ZFR2: variants seen among roughly 807,000 people sequenced by gnomAD.
The protein encoded by ZFR2 is zinc finger RNA-binding protein 2.
A neutral mutation model predicts 105.7 loss-of-function variants in ZFR2; 104 were observed. The observed-to-expected ratio is 0.98, with a 90% CI of 0.84 to 1.16. The LOEUF (loss-of-function observed/expected upper bound fraction) is 1.16, where lower values mean the gene tolerates loss of function less well. ZFR2 is among the 50% of genes most tolerant of loss of function. ZFR2 has a pLI of 0.00. For synonymous variants in ZFR2, 634 were observed against 597.7 expected (o/e 1.06, Z -0.89); for missense variants, 1,425 against 1,355.5 (o/e 1.05, Z -0.80).
intron 9 of ZFR2, among the ~76,000 whole-genome samples, 172 bp downstream of exon 9, chr19:3,821,909 G>A (rs539157320): frequency 2.6e-5 from 4 of 152,152 alleles, no homozygotes; most frequent in Admixed American, 2.0e-4. Context: ...GCGCCCGGCC[G>A]AAGATACACT....
At chr19:3,810,406 C>T (rs1485449759) in intron 16 of ZFR2, among the ~76,000 whole-genome samples, 1 of 152,246 alleles carries the variant, frequency 6.6e-6, no homozygotes, top group African/African-American at 2.4e-5. Context: ...CTGGGTCACC[C>T]AGAGGCCGGT....
rs2038050293 is a variant in ZFR2 at position 3,834,080 on chromosome 19, C to T, written c.265-302G>A. 6.6e-6 allele frequency among the ~76,000 whole-genome samples: 1 copy of T among 152,098 alleles called. No individual in the cohort carries two copies. Among genetic ancestry groups the T allele is most frequent in the Non-Finnish European group, 1.5e-5 (1 of 68,024 alleles). On this transcript the variant is annotated intron_variant, in intron 2 of 18. Transcript: ENST00000262961. The surrounding 1 kb of genome is among the most constrained non-coding windows in gnomAD (Gnocchi z 5.3). Reference sequence around the variant, plus strand: ...GAGAGGGCGGGTTTGCAGGGAGAAGCCCCCGAGGCCTTGGCAAGGAAATGG... The same window carrying T: ...GAGAGGGCGGGTTTGCAGGGAGAAGTCCCCGAGGCCTTGGCAAGGAAATGG...
At chr19:3,854,534 CAA>C (rs2038276503) in intron 1 of ZFR2, among the ~76,000 whole-genome samples, 2 of 152,114 alleles carry the variant, frequency 1.3e-5, no homozygotes, top group Admixed American at 1.3e-4. Flanking sequence ...GGACCAAAAC[CAA>C]AAGTCGATTA....
In ZFR2 at chr19:3,839,149, G is replaced by A. The variant is rs544576651; in HGVS notation, c.54-4166C>T. Among the ~76,000 whole-genome samples the A allele has an allele frequency of 1.2e-4, 18 of 152,218 alleles. No individual in the cohort carries two copies. The East Asian group carries it at 1.7e-3, about 15-fold the overall frequency. ...GCAGAAGGGCCCTATCCATAAAGAA[G>A]AAACATTCAGATTCCACAGATCGGC... On this transcript the variant is annotated intron_variant, in intron 1 of 18. Transcript: ENST00000262961.
intron 1 of ZFR2, among the ~76,000 whole-genome samples, chr19:3,855,100 C>G (rs376244435): frequency 6.6e-6 from 1 of 151,434 alleles, no homozygotes; most frequent in Non-Finnish European, 1.5e-5. Context: ...CTCACTATGT[C>G]GCCCAGGCTG....
intron 14 of ZFR2, among the ~76,000 whole-genome samples, chr19:3,812,722 G>A (rs1338350250): frequency 3.3e-5 from 5 of 151,956 alleles, no homozygotes; most frequent in Non-Finnish European, 5.9e-5. Context: ...AGGACTGATC[G>A]TGACTTTCCA....
rs150335153 is a variant in ZFR2, at chr19:3,853,761, A to G, written c.53+15204T>C. On this transcript the variant is annotated intron_variant, in intron 1 of 18. Transcript: ENST00000262961. ...CTGGAATTTGAGGTAACAGTCACAC[A>G]ATTCTGTTAATATACTAAAAACCAG... Among the ~76,000 whole-genome samples the G allele has an allele frequency of 1.1e-3, 166 of 152,264 alleles. 3 individuals are homozygous for G. The East Asian group carries it at 0.021, about 19-fold the overall frequency.
rs1458002626 is a variant in ZFR2, at chr19:3,831,397, G to A, written c.758C>T (p.Pro253Leu). ...GGGTCTCGGCAGCTTGCTGGGAAGC[G>A]GTGGCTTCGAGTCGGCCCTGGGGCT... ...GSSPRADSKP[P>L]LPSKLPRPKA... is the part of the protein sequence containing the mutation. Residue 253 changes from proline (P) to leucine (L), a missense_variant, in exon 5 of 19, where the codon CCG becomes CTG. Pro to Leu is a moderately conservative substitution (Grantham distance 98). Transcript: ENST00000262961. 7.7e-6 allele frequency: 12 copies of A among 1,556,266 alleles called. No homozygotes were observed. The highest frequency in any genetic ancestry group is 7.2e-5 in the East Asian group (3 of 41,504).
chr19:3,866,436 AGC>A (rs2038428390), intron 1 of ZFR2, among the ~76,000 whole-genome samples: 1 of 145,858 alleles, frequency 6.9e-6, no homozygotes, highest in Non-Finnish European at 1.5e-5. Context: ...CACAGAAGGT[AGC>A]TGTGCTAAAA....
rs183779008 is a variant in ZFR2, at chr19:3,857,426, C to G, written c.53+11539G>C. Among the ~76,000 whole-genome samples the G allele has an allele frequency of 6.9e-4, 104 of 151,506 alleles. No homozygotes were observed. The East Asian group carries it at 0.013, about 19-fold the overall frequency. On this transcript the variant is annotated intron_variant, in intron 1 of 18. Transcript: ENST00000262961. Reference sequence around the variant, plus strand: ...CAGGTATAAAAAGTCACAAACTGGCCGGGTGTGGTGGCTCACACCTGTGAT... The same window carrying G: ...CAGGTATAAAAAGTCACAAACTGGCGGGGTGTGGTGGCTCACACCTGTGAT...
At chr19:3,822,226 C>T (rs1042412984) in intron 8 of ZFR2, 26 bp from the exon 9 acceptor site, 5 of 1,559,950 alleles carry the variant, frequency 3.2e-6, no homozygotes, top group Non-Finnish European at 4.3e-6. Flanking sequence ...GCCGCACGCG[C>T]ACCAGGCACG....
At chr19:3,810,044 A>G (rs879410158) in intron 16 of ZFR2, among the ~76,000 whole-genome samples, 1 of 152,218 alleles carries the variant, frequency 6.6e-6, no homozygotes, top group Non-Finnish European at 1.5e-5. Context: ...TGCATTCTGG[A>G]CACTGGGCAG....
At chr19:3,824,327 A>T (rs2145150909) in intron 7 of ZFR2, among the ~76,000 whole-genome samples, 1 of 152,266 alleles carries the variant, frequency 6.6e-6, no homozygotes, top group African/African-American at 2.4e-5. Context: ...AACCACGAAA[A>T]AAGAGTTGTC....
Position 3,834,668 on chromosome 19 carries a change from T to G in ZFR2, c.264+105A>C. ...AAGGGTCCCGAAGGAAGGATCACGG[T>G]TAAGAGGCCTGGGAGAAGGAGTAGC... On this transcript the variant is annotated intron_variant, in intron 2 of 18. Transcript: ENST00000262961. This position sits in a 1 kb window ranked among gnomAD's most constrained non-coding sequence, Gnocchi z 5.3. 8.1e-7 allele frequency: 1 copy of G among 1,232,232 alleles called. No individual in the cohort carries two copies. The highest frequency in any genetic ancestry group is 1.2e-6 in the Non-Finnish European group (1 of 868,488). 76.3% of individuals were successfully genotyped at this position (1,232,232 alleles called of 1,614,324 possible).
At chr19:3,822,777 C>T (rs1390618308) in intron 8 of ZFR2, among the ~76,000 whole-genome samples, 1 of 152,176 alleles carries the variant, frequency 6.6e-6, no homozygotes, top group African/African-American at 2.4e-5. Context: ...CTTTGGCACG[C>T]ACAAGGCCAA....
intron 13 of ZFR2, among the ~76,000 whole-genome samples, chr19:3,815,334 C>A (rs2037813959): frequency 6.6e-6 from 1 of 152,222 alleles, no homozygotes; most frequent in African/African-American, 2.4e-5. Flanking sequence ...AGGTGATCCA[C>A]CTGCCTTGGC....
intron 16 of ZFR2, among the ~76,000 whole-genome samples, chr19:3,809,558 T>C (rs2037738880): frequency 6.6e-6 from 1 of 152,148 alleles, no homozygotes. Flanking sequence ...AACACAGGCT[T>C]TCTCCACGTC....
intron 16 of ZFR2, among the ~76,000 whole-genome samples, chr19:3,809,765 G>A (rs966396947): frequency 2.0e-4 from 30 of 152,016 alleles, no homozygotes; most frequent in Admixed American, 3.3e-4. Flanking sequence ...CCAACATGGC[G>A]AAACCCCATC....
intron 13 of ZFR2, among the ~76,000 whole-genome samples, chr19:3,814,478 G>A (rs2037804954): frequency 1.3e-5 from 2 of 152,172 alleles, no homozygotes; most frequent in African/African-American, 4.8e-5. Context: ...GCTCACACCT[G>A]AGCCTGGCCT....
Sources: gnomAD v4.1 joint callset for allele counts (sites outside exome capture counted in the v4.1 genomes callset) on GRCh38, gnomAD v4.1.1 for gene constraint, Gnocchi (gnomAD v3.1) non-coding constraint, MANE v1.5 for transcripts, NCBI Gene and HGNC (gene_info 2026-07-23, HGNC 2026-07-21) for gene names.